The following PTPRZ1 variants were observed in gnomAD, a reference collection of about 807,000 sequenced individuals.
PTPRZ1 encodes the protein receptor-type tyrosine-protein phosphatase zeta.
Under a neutral mutation model 214.1 loss-of-function variants are expected in PTPRZ1, and 82 were observed. That is an observed-to-expected ratio of 0.38 (90% CI 0.32 to 0.46). The LOEUF is 0.46. Ranked by LOEUF, PTPRZ1 falls within the 20% of genes least tolerant of loss-of-function variation. The pLI, the probability that PTPRZ1 is intolerant of heterozygous loss-of-function variation, is 1.00. For missense variants in PTPRZ1, 2,603 were observed against 2,748.7 expected, an observed-to-expected ratio of 0.95 and a Z score of 1.19; for synonymous variants, 945 against 987.9, an observed-to-expected ratio of 0.96 and a Z score of 0.81.
At chr7:121,953,205 A>C (rs1796610636) in intron 2 of PTPRZ1, among the ~76,000 whole-genome samples, 1 of 152,158 alleles carries the variant, frequency 6.6e-6, no homozygotes, top group Non-Finnish European at 1.5e-5. Flanking sequence ...TTTGGGTATT[A>C]ATTTTTCATC....
intron 1 of PTPRZ1, among the ~76,000 whole-genome samples, chr7:121,912,339 G>T (rs780597574): frequency 7.9e-5 from 12 of 152,134 alleles, no homozygotes; most frequent in Non-Finnish European, 1.6e-4. Flanking sequence ...GTTTAGCACT[G>T]GTTTGTACTC....
At chr7:121,975,580 C>A (rs1284922016) in intron 4 of PTPRZ1, among the ~76,000 whole-genome samples, 1 of 152,168 alleles carries the variant, frequency 6.6e-6, no homozygotes, top group Non-Finnish European at 1.5e-5. Flanking sequence ...TACCTTAAGT[C>A]TACTTCTATC....
At chr7:121,945,295 GT>G (rs1458667524) in intron 2 of PTPRZ1, among the ~76,000 whole-genome samples, 1 of 152,134 alleles carries the variant, frequency 6.6e-6, no homozygotes, top group Non-Finnish European at 1.5e-5. Flanking sequence ...AAACTATACT[GT>G]GTAAGATGCA....
chr7:122,019,521 T>C (rs376370997), intron 13 of PTPRZ1, among the ~76,000 whole-genome samples: 6 of 152,192 alleles, frequency 3.9e-5, no homozygotes, highest in African/African-American at 1.4e-4. Flanking sequence ...AGTTGTACTT[T>C]CATGTTAATC....
intron 1 of PTPRZ1, among the ~76,000 whole-genome samples, chr7:121,885,635 C>A (rs2116186431): frequency 6.6e-6 from 1 of 152,258 alleles, no homozygotes; most frequent in African/African-American, 2.4e-5. Context: ...CAAGAAAACA[C>A]AAGATGCTTC....
intron 23 of PTPRZ1, 24 bp from the exon 24 acceptor site, chr7:122,051,404 A>C (rs374575506): frequency 5.1e-6 from 8 of 1,571,384 alleles, no homozygotes; most frequent in Non-Finnish European, 7.0e-6. Context: ...AATAACCTAT[A>C]TATTTTTTTA....
chr7:121,910,437 A>G (rs1007409810), intron 1 of PTPRZ1, among the ~76,000 whole-genome samples: 1 of 152,080 alleles, frequency 6.6e-6, no homozygotes, highest in African/African-American at 2.4e-5. Context: ...CAAGGACAAC[A>G]TGTTTGTGGT....
Position 122,013,081 on chromosome 7 carries a change from T to A in PTPRZ1, c.4035T>A (p.Thr1345=). Residue 1345 remains threonine (T), a synonymous_variant, in exon 12 of 30, where the codon ACT becomes ACA. Coordinates refer to ENST00000393386, the MANE Select transcript of PTPRZ1 (RefSeq NM_002851.3). Reference sequence around the variant, plus strand: ...TAACCTCCACCAAAAGTTCTGTTACTGGTAAGGTATTTGCTGGTATTCCAA... The same window carrying A: ...TAACCTCCACCAAAAGTTCTGTTACAGGTAAGGTATTTGCTGGTATTCCAA... ...EILTSTKSSV[T]GKVFAGIPTV... 6.2e-7 allele frequency: 1 copy of A among 1,613,642 alleles called. No homozygotes were observed. The highest frequency in any genetic ancestry group is 8.5e-7 in the Non-Finnish European group (1 of 1,179,500).
intron 4 of PTPRZ1, 84 bp from the exon 5 acceptor site, chr7:121,976,089 G>T: frequency 1.2e-6 from 1 of 856,632 alleles, no homozygotes; most frequent in Non-Finnish European, 1.8e-6. Context: ...AAAAGATTTT[G>T]GAAATACTTA....
chr7:122,040,350 C>A (rs1799687114), intron 20 of PTPRZ1, among the ~76,000 whole-genome samples: 1 of 152,182 alleles, frequency 6.6e-6, no homozygotes, highest in Admixed American at 6.5e-5. Flanking sequence ...AAATCTTAAA[C>A]CTGTAGGACA....
chr7:121,995,995 T>A (rs1030815693), intron 8 of PTPRZ1, among the ~76,000 whole-genome samples: 1 of 152,322 alleles, frequency 6.6e-6, no homozygotes, highest in East Asian at 1.9e-4. Flanking sequence ...ATGGTTCTTA[T>A]GTTTATAATC....
intron 2 of PTPRZ1, among the ~76,000 whole-genome samples, chr7:121,936,462 T>C (rs1485738413): frequency 1.3e-5 from 2 of 152,246 alleles, no homozygotes; most frequent in African/African-American, 4.8e-5. Flanking sequence ...GTTAGTTTTA[T>C]TCCGAAGCCT....
chr7:121,916,127 A>T (rs1795417666), intron 1 of PTPRZ1, among the ~76,000 whole-genome samples: 1 of 152,038 alleles, frequency 6.6e-6, no homozygotes, highest in Admixed American at 6.6e-5. Flanking sequence ...TACAAAAATT[A>T]ACTGGGCGTC....
chr7:121,926,455 A>AAT (rs1795767220), intron 1 of PTPRZ1, among the ~76,000 whole-genome samples: 1 of 152,220 alleles, frequency 6.6e-6, no homozygotes, highest in South Asian at 2.1e-4. Flanking sequence ...ATGATAGAAT[A>AAT]TTCTTGGACA....
intron 21 of PTPRZ1, among the ~76,000 whole-genome samples, chr7:122,042,269 T>TG (rs778787205): frequency 2.0e-4 from 31 of 152,226 alleles, no homozygotes; most frequent in Non-Finnish European, 3.8e-4. Flanking sequence ...ATTAAATGTC[T>TG]ATTTGCCACA....
At position 122,029,047 on chromosome 7, in the gene PTPRZ1, G is replaced by A. The variant is rs565015807; in HGVS notation, c.5080+404G>A. On this transcript the variant is annotated intron_variant, in intron 14 of 29. Coordinates refer to ENST00000393386, the MANE Select transcript of PTPRZ1 (RefSeq NM_002851.3). ...GATGGGAAAAAAATGACAAAAATAA[G>A]GATAAAGTCTTGTTCCTTTCTGATT... Among the ~76,000 whole-genome samples, 19 of 151,314 alleles carry A rather than the reference G, an allele frequency of 1.3e-4. No individual in the cohort carries two copies. In the East Asian group the frequency reaches 3.5e-3, roughly 28 times the overall value.
intron 1 of PTPRZ1, 90 bp downstream of exon 1, chr7:121,873,647 C>T: frequency 1.4e-6 from 2 of 1,473,192 alleles, no homozygotes; most frequent in Non-Finnish European, 9.4e-7. Flanking sequence ...TTGCCGCCGC[C>T]GCCGCCATCT....
At chr7:121,966,352 T>C (rs1797047083) in intron 2 of PTPRZ1, among the ~76,000 whole-genome samples, 1 of 152,218 alleles carries the variant, frequency 6.6e-6, no homozygotes. Context: ...TTAGAATTTA[T>C]TATATTGTAT....
chr7:121,942,120 G>T (rs1796254465), intron 2 of PTPRZ1, among the ~76,000 whole-genome samples: 1 of 152,118 alleles, frequency 6.6e-6, no homozygotes, highest in Non-Finnish European at 1.5e-5. Context: ...TCATTTACCA[G>T]GAAGTATAGT....
Sources: gnomAD v4.1 joint callset for allele counts (sites outside exome capture counted in the v4.1 genomes callset) on GRCh38, gnomAD v4.1.1 for gene constraint, MANE v1.5 for transcripts, NCBI Gene and HGNC (gene_info 2026-07-23, HGNC 2026-07-21) for gene names.